The following FLRT2 variants were observed in gnomAD, a reference collection of about 807,000 sequenced individuals.
FLRT2 encodes the protein fibronectin leucine rich transmembrane protein 2.
Under a neutral mutation model 40.0 loss-of-function variants are expected in FLRT2, and 15 were observed. The ratio of observed to expected loss-of-function variants is 0.38; its 90% CI spans 0.25 to 0.58. FLRT2 has a LOEUF of 0.58. Ranked by LOEUF, FLRT2 falls within the 20% of genes least tolerant of loss-of-function variation. FLRT2 has a pLI of 0.71. For synonymous variants in FLRT2, 380 were observed against 336.8 expected (o/e 1.13, Z -1.41); for missense variants, 726 against 840.0 (o/e 0.86, Z 1.68).
At chr14:85,552,383 G>A (rs1047654571) in intron 1 of FLRT2, among the ~76,000 whole-genome samples, 2 of 152,206 alleles carry the variant, frequency 1.3e-5, no homozygotes, top group African/African-American at 4.8e-5. Flanking sequence ...GAGTTGCCAT[G>A]AGGATTAAAT....
intron 1 of FLRT2, among the ~76,000 whole-genome samples, chr14:85,564,707 A>C (rs1453647847): frequency 6.6e-6 from 1 of 152,216 alleles, no homozygotes. Flanking sequence ...AAATACTACT[A>C]TACCTAGCAT....
At position 85,587,165 on chromosome 14, in the gene FLRT2, T is replaced by C. The variant is rs1428985100; in HGVS notation, c.-376-33974T>C. 2.6e-5 allele frequency among the ~76,000 whole-genome samples: 4 copies of C among 152,048 alleles called. No homozygotes were observed. In the East Asian group the frequency reaches 5.8e-4, roughly 22 times the overall value. On this transcript the variant is annotated intron_variant, in intron 1 of 1. Coordinates refer to ENST00000330753, the MANE Select transcript of FLRT2 (RefSeq NM_013231.6). The stretch of plus-strand genomic sequence containing the variant: ...TGTACTTCGCTTTCAAAATGATCCT[T>C]GAAAACCTACACACATACACACACC...
At position 85,645,630 on chromosome 14, in the gene FLRT2, G is replaced by A. The variant is rs1594979826; in HGVS notation, c.*22133G>A. 1.3e-5 allele frequency: 2 copies of A among 152,136 alleles called. No individual in the cohort carries two copies. 9.4% of individuals were successfully genotyped at this position (152,136 alleles called of 1,614,324 possible). Reference sequence around the variant, plus strand: ...TGTTCATAAGTGGCAGAACCTATGAGAATATTCATGCCACATGTTATTTCT... The same window carrying A: ...TGTTCATAAGTGGCAGAACCTATGAAAATATTCATGCCACATGTTATTTCT... On this transcript the variant is annotated 3_prime_UTR_variant, in exon 2 of 2. Transcript: ENST00000330753.
Position 85,627,205 on chromosome 14 carries a change from GAAAGC to G in FLRT2, c.*3715_*3719del, listed in dbSNP as rs1163761230. ...ATGACTTACCATTCCAGCTGCATGGGAAAGCAAAGCAGAAAACAGTGCCCCAAATG... is the reference window on the plus strand; with the variant it reads ...ATGACTTACCATTCCAGCTGCATGGGAAAGCAGAAAACAGTGCCCCAAATG... On this transcript the variant is annotated 3_prime_UTR_variant, in exon 2 of 2. Coordinates refer to ENST00000330753, the MANE Select transcript of FLRT2 (RefSeq NM_013231.6). 6.0e-6 allele frequency: 1 copy of G among 167,066 alleles called. No individual in the cohort carries two copies. The highest frequency in any genetic ancestry group is 1.5e-5 in the Non-Finnish European group (1 of 68,136). 10.3% of individuals were successfully genotyped at this position (167,066 alleles called of 1,614,324 possible).
chr14:85,594,385 G>C (rs535413627), intron 1 of FLRT2, among the ~76,000 whole-genome samples: 1 of 152,250 alleles, frequency 6.6e-6, no homozygotes, highest in Admixed American at 6.5e-5. Flanking sequence ...TTTTGTGTGA[G>C]TGAGTAAAAC....
In FLRT2 at chr14:85,643,354, T is replaced by TCTTTTCCTTCCTTCCTTCCTTC. The variant is rs1555373579; in HGVS notation, c.*19860_*19861insTTCCTTCCTTCCTTCCTTCCTT. On this transcript the variant is annotated 3_prime_UTR_variant, in exon 2 of 2. Transcript: ENST00000330753. Reference sequence around the variant, plus strand: ...TTCTTTCTTTCTTTCTTTCTTTCTTTCTTCCTTCCTTCCTTCCTTCCTTTC... The same window carrying TCTTTTCCTTCCTTCCTTCCTTC: ...TTCTTTCTTTCTTTCTTTCTTTCTTTCTTTTCCTTCCTTCCTTCCTTCCTTCCTTCCTTCCTTCCTTCCTTTC... The TCTTTTCCTTCCTTCCTTCCTTC allele has an allele frequency of 8.7e-5, 4 of 46,042 alleles. No homozygotes were observed. The highest frequency in any genetic ancestry group is 1.5e-4 in the African/African-American group (2 of 13,224). The allele number at this position is 46,042 out of a possible 1,614,324, so 2.9% of individuals were successfully genotyped here.
intron 1 of FLRT2, among the ~76,000 whole-genome samples, chr14:85,589,756 G>A (rs1891795375): frequency 6.6e-6 from 1 of 152,124 alleles, no homozygotes; most frequent in Non-Finnish European, 1.5e-5. Context: ...TTAGATTTAA[G>A]TCTTTGATAG....
Position 85,622,269 on chromosome 14 carries a change from C to T in FLRT2, c.755C>T (p.Thr252Met), listed in dbSNP as rs1041199233. The T allele has an allele frequency of 1.2e-6, 2 of 1,614,078 alleles. No homozygotes were observed. Among genetic ancestry groups the T allele is most frequent in the Admixed American group, 1.7e-5 (1 of 60,012 alleles). Residue 252 changes from threonine (T) to methionine (M), a missense_variant, in exon 2 of 2, where the codon ACG becomes ATG. By Grantham distance (81) the Thr-to-Met change is moderately conservative (BLOSUM62 -1). This residue lies in a region of FLRT2 where 611 missense variants were observed against 690.0 expected (regional missense o/e 0.89). Coordinates refer to ENST00000330753, the MANE Select transcript of FLRT2 (RefSeq NM_013231.6). ...CACCCTCCTCCCGATCTCCCAGGTA[C>T]GCATCTGATCAGGCTCTATTTGCAG... is the stretch of plus-strand genomic sequence containing the variant. ...LSHPPPDLPG[T>M]HLIRLYLQDN...
At chr14:85,613,241 G>T (rs546081797) in intron 1 of FLRT2, among the ~76,000 whole-genome samples, 1 of 152,228 alleles carries the variant, frequency 6.6e-6, no homozygotes, top group East Asian at 1.9e-4. Context: ...TCATAGAACT[G>T]AACTGTTAGG....
chr14:85,571,087 T>G (rs931907133), intron 1 of FLRT2, among the ~76,000 whole-genome samples: 1 of 152,116 alleles, frequency 6.6e-6, no homozygotes, highest in African/African-American at 2.4e-5. Context: ...TCTGAAGATT[T>G]GGGACTCGGG....
chr14:85,639,809 A>G lies in FLRT2; in HGVS notation c.*16312A>G, dbSNP rs1001048092. On this transcript the variant is annotated 3_prime_UTR_variant, in exon 2 of 2. Transcript: ENST00000330753. The stretch of plus-strand genomic sequence containing the variant: ...TCAGGCTGTTTTCCCTCACCGCACC[A>G]TGGTGCTTCACTAGCAGAAATTCTT... The G allele has an allele frequency of 6.7e-6, 1 of 149,698 alleles. No homozygotes were observed. The highest frequency in any genetic ancestry group is 1.5e-5 in the Non-Finnish European group (1 of 67,530). 9.3% of individuals were successfully genotyped at this position (149,698 alleles called of 1,614,324 possible).
rs941104535 is a variant in FLRT2, at chr14:85,635,389, C to T, written c.*11892C>T. 1 of 152,054 alleles carries T rather than the reference C, an allele frequency of 6.6e-6. No homozygotes were observed. The highest frequency in any genetic ancestry group is 1.5e-5 in the Non-Finnish European group (1 of 67,966). The allele number at this position is 152,054 out of a possible 1,614,324, so 9.4% of individuals were successfully genotyped here. A position where few individuals can be genotyped will look rare whatever the true frequency, so the allele number is the denominator to read the frequency against. ...TGAAAACAAAACTCATTAGTTCAAC[C>T]ACTTCTCCCTCAAAACAAGGAAATA... On this transcript the variant is annotated 3_prime_UTR_variant, in exon 2 of 2. Transcript: ENST00000330753.
rs1894342203 is a variant in FLRT2, at chr14:85,647,803, G to A, written c.*24306G>A. 1 of 152,080 alleles carries A rather than the reference G, an allele frequency of 6.6e-6. No homozygotes were observed. The highest frequency in any genetic ancestry group is 2.1e-4 in the South Asian group (1 of 4,824). The allele number at this position is 152,080 out of a possible 1,614,324, so 9.4% of individuals were successfully genotyped here. A position where few individuals can be genotyped will look rare whatever the true frequency, so the allele number is the denominator to read the frequency against. On this transcript the variant is annotated 3_prime_UTR_variant, in exon 2 of 2. Coordinates refer to ENST00000330753, the MANE Select transcript of FLRT2 (RefSeq NM_013231.6). ...ACCACTAAGAGTAAAAACCCCTCAG[G>A]AATTAGGATTCGGGTCACCCTGCTT...
chr14:85,579,027 A>G (rs1891264994), intron 1 of FLRT2, among the ~76,000 whole-genome samples: 1 of 152,144 alleles, frequency 6.6e-6, no homozygotes, highest in African/African-American at 2.4e-5. Flanking sequence ...AAACACTTTG[A>G]ATTCTTGTTT....
chr14:85,618,802 C>T (rs1893251712), intron 1 of FLRT2, among the ~76,000 whole-genome samples: 4 of 152,276 alleles, frequency 2.6e-5, no homozygotes, highest in Admixed American at 2.6e-4. Context: ...CGCTAACATT[C>T]TGGGCCTGAG....
chr14:85,624,472 G>T lies in FLRT2; in HGVS notation c.*975G>T, dbSNP rs183028461. 3.6e-5 allele frequency: 6 copies of T among 167,140 alleles called. No individual in the cohort carries two copies. The South Asian group carries it at 1.2e-3, about 35-fold the overall frequency. The allele number at this position is 167,140 out of a possible 1,614,324, so 10.4% of individuals were successfully genotyped here. On this transcript the variant is annotated 3_prime_UTR_variant, in exon 2 of 2. Coordinates refer to ENST00000330753, the MANE Select transcript of FLRT2 (RefSeq NM_013231.6). ...GTCAACATGATATTTAGACCAACAG[G>T]TGATCAATGTTTGGAAAATACAACA...
intron 1 of FLRT2, among the ~76,000 whole-genome samples, chr14:85,590,619 A>G (rs1891838264): frequency 6.6e-6 from 1 of 151,948 alleles, no homozygotes; most frequent in African/African-American, 2.4e-5. Flanking sequence ...CATTTTTTTG[A>G]GACAGAGTCT....
intron 1 of FLRT2, among the ~76,000 whole-genome samples, chr14:85,576,231 T>G (rs1347081200): frequency 3.3e-5 from 5 of 152,258 alleles, no homozygotes; most frequent in African/African-American, 9.6e-5. Flanking sequence ...CCGGGTTTCC[T>G]TCAGCTCTAG....
At chr14:85,599,571 G>A (rs1465915704) in intron 1 of FLRT2, among the ~76,000 whole-genome samples, 2 of 152,126 alleles carry the variant, frequency 1.3e-5, no homozygotes, top group African/African-American at 2.4e-5. Context: ...TACCACATTG[G>A]ATTGAAGAAA....
Sources: allele counts gnomAD v4.1 joint callset (sites outside exome capture counted in the v4.1 genomes callset), GRCh38; gene constraint gnomAD v4.1.1; regional missense constraint gnomAD v4.1.1; transcripts MANE v1.5; gene names NCBI Gene and HGNC (gene_info 2026-07-23, HGNC 2026-07-21).